Variants in LEMD3 observed in about 807,000 individuals in gnomAD.
The protein encoded by LEMD3 is LEM domain containing 3, also known as inner nuclear membrane protein Man1.
LEMD3 carries 33 observed loss-of-function variants against 95.2 expected under a neutral mutation model. The observed-to-expected ratio is 0.35, with a 90% CI of 0.26 to 0.46. The LOEUF (loss-of-function observed/expected upper bound fraction) is 0.46, where lower values mean the gene tolerates loss of function less well. Among genes scored for constraint, LEMD3 ranks in the 20% least tolerant of loss-of-function variants. LEMD3 has a pLI of 1.00. For missense variants in LEMD3, 1,210 were observed against 1,192.8 expected, an observed-to-expected ratio of 1.01 and a Z score of -0.21; for synonymous variants, 525 against 474.6, an observed-to-expected ratio of 1.11 and a Z score of -1.38.
intron 4 of LEMD3, among the ~76,000 whole-genome samples, chr12:65,223,091 A>AT (rs985981590): frequency 9.9e-5 from 15 of 152,134 alleles, no homozygotes; most frequent in Non-Finnish European, 2.1e-4. Flanking sequence ...TGTGCACTTC[A>AT]TAAGAATGTG....
At chr12:65,203,920 T>C (rs1869682351) in intron 1 of LEMD3, among the ~76,000 whole-genome samples, 1 of 152,188 alleles carries the variant, frequency 6.6e-6, no homozygotes, top group Non-Finnish European at 1.5e-5. Context: ...TTGCTTTCAA[T>C]TTTGCAGTAT....
intron 1 of LEMD3, among the ~76,000 whole-genome samples, chr12:65,181,707 A>G (rs568893832): frequency 3.9e-5 from 6 of 152,244 alleles, no homozygotes; most frequent in South Asian, 2.1e-4. Flanking sequence ...TGGGAATTCT[A>G]CCTTTAAAAA....
At chr12:65,214,130 C>T (rs1192580043) in intron 2 of LEMD3, among the ~76,000 whole-genome samples, 2 of 151,900 alleles carry the variant, frequency 1.3e-5, no homozygotes, top group African/African-American at 4.8e-5. Flanking sequence ...AGTGGCATGA[C>T]CTCCGCTCAC....
chr12:65,187,356 G>T (rs1869099494), intron 1 of LEMD3, among the ~76,000 whole-genome samples: 1 of 152,074 alleles, frequency 6.6e-6, no homozygotes, highest in Non-Finnish European at 1.5e-5. Flanking sequence ...GTGCTTGTGT[G>T]TGTGCCTCTG....
chr12:65,234,855 A>C (rs1168557409), intron 4 of LEMD3, among the ~76,000 whole-genome samples: 2 of 152,174 alleles, frequency 1.3e-5, no homozygotes, highest in Non-Finnish European at 2.9e-5. Context: ...TAATATTTAT[A>C]ATGTCAGCCT....
chr12:65,169,884 C>A lies in LEMD3; in HGVS notation c.288C>A (p.Gly96=). The change falls in exon 1 of 13, where the codon GGC becomes GGA. Residue 96 remains glycine (G), a synonymous_variant. Transcript: ENST00000308330. ...AAGMGVRPVS[G]DLSYLRTPGG... is the part of the protein sequence containing the mutation. ...GGATGGGGGTCCGGCCGGTCTCGGG[C>A]GACCTCTCCTACTTACGGACTCCTG... 1 of 1,451,660 alleles carries A rather than the reference C, an allele frequency of 6.9e-7. No individual in the cohort carries two copies. 89.9% of individuals were successfully genotyped at this position (1,451,660 alleles called of 1,614,324 possible). A position where few individuals can be genotyped will look rare whatever the true frequency, so the allele number is the denominator to read the frequency against.
At chr12:65,244,983 T>TA (rs745362531) in intron 10 of LEMD3, among the ~76,000 whole-genome samples, 1 of 152,058 alleles carries the variant, frequency 6.6e-6, no homozygotes, top group Non-Finnish European at 1.5e-5. Context: ...ACAACTTTAA[T>TA]AAGTTCACAA....
intron 1 of LEMD3, among the ~76,000 whole-genome samples, chr12:65,175,137 G>A (rs1340672713): frequency 1.3e-5 from 2 of 152,106 alleles, no homozygotes; most frequent in Non-Finnish European, 1.5e-5. Context: ...AGGTAGGTAT[G>A]GGCCAGATCA....
At chr12:65,235,899 A>T (rs998598793) in intron 4 of LEMD3, among the ~76,000 whole-genome samples, 2 of 152,092 alleles carry the variant, frequency 1.3e-5, no homozygotes, top group African/African-American at 4.8e-5. Flanking sequence ...ATTGTCTGCA[A>T]TTTTTTTGAT....
At chr12:65,236,380 A>T (rs114363513) in intron 4 of LEMD3, among the ~76,000 whole-genome samples, 1 of 152,034 alleles carries the variant, frequency 6.6e-6, no homozygotes, top group Non-Finnish European at 1.5e-5. Context: ...CATCTCTACT[A>T]CTACTAAAAA....
chr12:65,229,610 G>A (rs531958272), intron 4 of LEMD3, among the ~76,000 whole-genome samples: 1 of 152,234 alleles, frequency 6.6e-6, no homozygotes, highest in Admixed American at 6.5e-5. Flanking sequence ...TTGTGGTTTT[G>A]ATTTGTATTT....
intron 4 of LEMD3, among the ~76,000 whole-genome samples, chr12:65,229,347 T>G (rs1870554468): frequency 6.6e-6 from 1 of 152,106 alleles, no homozygotes; most frequent in Non-Finnish European, 1.5e-5. Context: ...TAAATGAGAG[T>G]ACAGATACCT....
At chr12:65,211,069 C>A in intron 2 of LEMD3, 106 bp downstream of exon 2, 1 of 846,724 alleles carries the variant, frequency 1.2e-6, no homozygotes, top group Non-Finnish European at 2.0e-6. Context: ...TTATTTTAGT[C>A]TTAAACAATA....
intron 4 of LEMD3, among the ~76,000 whole-genome samples, chr12:65,220,390 G>A (rs1482513864): frequency 1.3e-5 from 2 of 152,140 alleles, no homozygotes; most frequent in African/African-American, 4.8e-5. Context: ...TGCTATTCAA[G>A]TTCTTTGCTG....
intron 1 of LEMD3, among the ~76,000 whole-genome samples, chr12:65,195,880 A>T (rs1869415551): frequency 6.6e-6 from 1 of 152,182 alleles, no homozygotes; most frequent in African/African-American, 2.4e-5. Context: ...ATAACTGGTT[A>T]AAAATAGTCC....
chr12:65,195,739 A>G (rs767037135), intron 1 of LEMD3, among the ~76,000 whole-genome samples: 1 of 152,176 alleles, frequency 6.6e-6, no homozygotes, highest in Non-Finnish European at 1.5e-5. Flanking sequence ...AAAGCTAGTT[A>G]TATAGGTTTA....
intron 1 of LEMD3, among the ~76,000 whole-genome samples, chr12:65,183,030 A>G (rs1456517679): frequency 2.0e-5 from 3 of 152,170 alleles, no homozygotes; most frequent in Non-Finnish European, 4.4e-5. Context: ...AGTCTCTTAG[A>G]TAAGTCATAC....
chr12:65,228,962 A>G (rs1176585548), intron 4 of LEMD3, among the ~76,000 whole-genome samples: 2 of 152,186 alleles, frequency 1.3e-5, no homozygotes, highest in East Asian at 1.9e-4. Flanking sequence ...CATTTAACCA[A>G]CCTCTGGCTA....
At chr12:65,177,382 C>G (rs74101704) in intron 1 of LEMD3, among the ~76,000 whole-genome samples, 5,712 of 152,094 alleles carry the variant, frequency 0.038, 352 homozygotes, top group African/African-American at 0.13. Flanking sequence ...GAATAAGAGA[C>G]AGATAGGAGT....
Sources: allele counts gnomAD v4.1 joint callset (sites outside exome capture counted in the v4.1 genomes callset), GRCh38; gene constraint gnomAD v4.1.1; transcripts MANE v1.5; gene names NCBI Gene and HGNC (gene_info 2026-07-23, HGNC 2026-07-21).